The following HECW1 variants were observed in gnomAD, a reference collection of about 807,000 sequenced individuals.
The protein encoded by HECW1 is HECT, C2 and WW domain containing E3 ubiquitin protein ligase 1.
HECW1 carries 61 observed loss-of-function variants against 182.3 expected under a neutral mutation model. That is an observed-to-expected ratio of 0.33 (90% CI 0.27 to 0.41). The LOEUF (loss-of-function observed/expected upper bound fraction) is 0.41, where lower values mean the gene tolerates loss of function less well. HECW1 is among the 10% of genes least tolerant of loss of function. HECW1 has a pLI of 1.00. For synonymous variants in HECW1, 859 were observed against 832.6 expected (o/e 1.03, Z -0.55); for missense variants, 1,739 against 2,108.9 (o/e 0.82, Z 3.44).
rs775071167 is a variant in HECW1, at chr7:43,445,612, G to A, written c.2398+42G>A. 12 of 1,483,606 alleles carry A rather than the reference G, an allele frequency of 8.1e-6. No individual in the cohort carries two copies. In the South Asian group the frequency reaches 1.4e-4, roughly 17 times the overall value. The allele number at this position is 1,483,606 out of a possible 1,614,324, so 91.9% of individuals were successfully genotyped here. A position where few individuals can be genotyped will look rare whatever the true frequency, so the allele number is the denominator to read the frequency against. ...GATCAGAGTGAGAATAGGACCATCA[G>A]GGGGACAAAGGTGTCACCAACAGTT... is the stretch of plus-strand genomic sequence containing the variant. On this transcript the variant is annotated intron_variant, in intron 11 of 29. Transcript: ENST00000395891.
chr7:43,206,216 A>G (rs1583965985), intron 2 of HECW1, among the ~76,000 whole-genome samples: 1 of 152,148 alleles, frequency 6.6e-6, no homozygotes, highest in African/African-American at 2.4e-5. Flanking sequence ...AAGGGTTCTG[A>G]TGGTGGAGTT....
At chr7:43,346,836 G>A (rs1813750696) in intron 5 of HECW1, among the ~76,000 whole-genome samples, 1 of 152,162 alleles carries the variant, frequency 6.6e-6, no homozygotes, top group African/African-American at 2.4e-5. Flanking sequence ...TCTCTATTCT[G>A]TTCCACTAGT....
chr7:43,265,159 C>G (rs761050449), intron 3 of HECW1, among the ~76,000 whole-genome samples: 43 of 152,086 alleles, frequency 2.8e-4, no homozygotes, highest in Non-Finnish European at 8.8e-5. Context: ...GTCTATGGGT[C>G]GGGAGGGTAG....
chr7:43,290,336 A>C (rs1389293141), intron 3 of HECW1, among the ~76,000 whole-genome samples: 1 of 152,222 alleles, frequency 6.6e-6, no homozygotes, highest in Non-Finnish European at 1.5e-5. Context: ...CACCAAGATA[A>C]ATTTTAAAAG....
intron 6 of HECW1, 65 bp from the exon 7 acceptor site, chr7:43,396,749 G>A (rs1163213713): frequency 1.9e-6 from 2 of 1,043,022 alleles, no homozygotes; most frequent in African/African-American, 1.6e-5. Flanking sequence ...CCATGCTTGT[G>A]TTGAAGTGTG....
intron 19 of HECW1, among the ~76,000 whole-genome samples, chr7:43,495,065 G>A (rs946956728): frequency 1.3e-5 from 2 of 152,048 alleles, no homozygotes; most frequent in Non-Finnish European, 2.9e-5. Flanking sequence ...TTGAGGGGGT[G>A]GGAACTTCCT....
chr7:43,122,899 C>T (rs1460804775), intron 2 of HECW1, among the ~76,000 whole-genome samples: 2 of 152,148 alleles, frequency 1.3e-5, no homozygotes, highest in Admixed American at 1.3e-4. Context: ...ATTTTCAAAT[C>T]ATTTTCCGTT....
intron 2 of HECW1, among the ~76,000 whole-genome samples, chr7:43,209,926 T>A (rs1268827329): frequency 6.6e-6 from 1 of 152,150 alleles, no homozygotes; most frequent in Non-Finnish European, 1.5e-5. Context: ...CTACTTAAGG[T>A]GAGGTACTCA....
At chr7:43,122,126 G>GTAAGAGACAGCTGAACC in intron 2 of HECW1, 1 of 152,214 alleles carries the variant, frequency 6.6e-6, no homozygotes, top group Non-Finnish European at 1.5e-5. Context: ...ACCATTTGAA[G>GTAAGAGACAGCTGAACC]AATGAATGAA....
intron 27 of HECW1, among the ~76,000 whole-genome samples, chr7:43,551,015 G>A (rs1006641169): frequency 4.6e-5 from 7 of 152,160 alleles, no homozygotes; most frequent in Non-Finnish European, 8.8e-5. Flanking sequence ...GTTGTGCCAC[G>A]TAATCTATGC....
At chr7:43,469,446 A>T (rs1289306504) in intron 16 of HECW1, among the ~76,000 whole-genome samples, 1 of 152,198 alleles carries the variant, frequency 6.6e-6, no homozygotes, top group East Asian at 1.9e-4. Context: ...AATTCTGTCC[A>T]ATGACCTTTC....
intron 14 of HECW1, among the ~76,000 whole-genome samples, chr7:43,464,889 A>T (rs990468763): frequency 5.9e-5 from 9 of 151,724 alleles, no homozygotes; most frequent in Non-Finnish European, 1.2e-4. Context: ...GCAGCCTCAA[A>T]CTCCTGGGCT....
intron 2 of HECW1, among the ~76,000 whole-genome samples, chr7:43,158,656 ACC>A (rs1400659517): frequency 1.3e-5 from 2 of 151,850 alleles, no homozygotes; most frequent in Non-Finnish European, 2.9e-5. Context: ...TCTCCCATCT[ACC>A]CCTCCAATCC....
intron 6 of HECW1, among the ~76,000 whole-genome samples, chr7:43,385,536 TCCTACACCATGG>T: frequency 6.6e-6 from 1 of 150,806 alleles, no homozygotes; most frequent in Admixed American, 6.6e-5. Flanking sequence ...CTGGGGCAGC[TCCTACACCATGG>T]CAGAGCCGTC....
At chr7:43,277,240 A>G (rs2152745159) in intron 3 of HECW1, among the ~76,000 whole-genome samples, 1 of 152,290 alleles carries the variant, frequency 6.6e-6, no homozygotes, top group Admixed American at 6.5e-5. Flanking sequence ...TGTTGAGACA[A>G]TTGCAGGGAT....
At chr7:43,248,695 TTTCC>T (rs1562731833) in intron 3 of HECW1, 2,425 of 46,628 alleles carry the variant, frequency 0.052, 152 homozygotes, top group East Asian at 0.39. Context: ...TCCTCCTCCT[TTTCC>T]TCCTCCTCCT....
chr7:43,244,624 G>A (rs948582084), intron 3 of HECW1, among the ~76,000 whole-genome samples: 2 of 152,130 alleles, frequency 1.3e-5, no homozygotes, highest in Non-Finnish European at 2.9e-5. Flanking sequence ...ATGTACGAGG[G>A]AACTGGGTCA....
intron 2 of HECW1, among the ~76,000 whole-genome samples, chr7:43,160,141 T>G (rs1790379726): frequency 6.6e-6 from 1 of 152,232 alleles, no homozygotes; most frequent in Non-Finnish European, 1.5e-5. Flanking sequence ...CTTACTGATT[T>G]GTGGGTGGCA....
At position 43,481,175 on chromosome 7, in the gene HECW1, A is replaced by G. The variant is rs372848806; in HGVS notation, c.3234+1431A>G. 3.9e-5 allele frequency among the ~76,000 whole-genome samples: 6 copies of G among 152,338 alleles called. No homozygotes were observed. The East Asian group carries it at 7.7e-4, about 20-fold the overall frequency. On this transcript the variant is annotated intron_variant, in intron 17 of 29. Coordinates refer to ENST00000395891, the MANE Select transcript of HECW1 (RefSeq NM_015052.5). ...CTAGATGCAGACGTGTTCACAGACT[A>G]CAGAAAGCAATGCCCCAGCTTCCCA...
Sources: allele counts gnomAD v4.1 joint callset (sites outside exome capture counted in the v4.1 genomes callset), GRCh38; gene constraint gnomAD v4.1.1; transcripts MANE v1.5; gene names NCBI Gene and HGNC (gene_info 2026-07-23, HGNC 2026-07-21).